Variants in GRIK4 observed in about 807,000 individuals in gnomAD.
GRIK4 encodes glutamate receptor ionotropic, kainate 4.
Under a neutral mutation model 104.9 loss-of-function variants are expected in GRIK4, and 40 were observed. The ratio of observed to expected loss-of-function variants is 0.38; its 90% CI spans 0.30 to 0.50. The LOEUF is 0.50. Among genes scored for constraint, GRIK4 ranks in the 20% least tolerant of loss-of-function variants. The probability of loss-of-function intolerance (pLI) is 0.93; values close to 1 mark genes in which losing one functional copy is unlikely to be tolerated. For missense variants in GRIK4, 1,047 were observed against 1,308.1 expected, an observed-to-expected ratio of 0.80 and a Z score of 3.08; for synonymous variants, 485 against 524.9, an observed-to-expected ratio of 0.92 and a Z score of 1.04.
At chr11:120,710,287 CTATAATTT>C (rs1168450880) in intron 3 of GRIK4, among the ~76,000 whole-genome samples, 8 of 152,110 alleles carry the variant, frequency 5.3e-5, no homozygotes, top group Non-Finnish European at 4.4e-5. Context: ...TAGAACAATT[CTATAATTT>C]GCCAGATGAG....
intron 3 of GRIK4, among the ~76,000 whole-genome samples, chr11:120,749,393 G>A (rs1371038833): frequency 1.3e-5 from 2 of 152,134 alleles, no homozygotes; most frequent in Non-Finnish European, 2.9e-5. Context: ...ACAGGGCCCC[G>A]AGAGCCTCTA....
intron 1 of GRIK4, among the ~76,000 whole-genome samples, chr11:120,586,391 C>T (rs899243831): frequency 1.3e-5 from 2 of 151,962 alleles, no homozygotes; most frequent in South Asian, 4.1e-4. Flanking sequence ...GGCGATGAGG[C>T]TGGGAGAGAA....
chr11:120,766,354 G>A (rs1414958660), intron 3 of GRIK4, among the ~76,000 whole-genome samples: 1 of 152,222 alleles, frequency 6.6e-6, no homozygotes, highest in Non-Finnish European at 1.5e-5. Flanking sequence ...GCTGGCAGCG[G>A]GAATTTCAGG....
chr11:120,981,590 AG>A (rs1283079345), intron 19 of GRIK4, among the ~76,000 whole-genome samples: 18 of 152,256 alleles, frequency 1.2e-4, no homozygotes, highest in Non-Finnish European at 2.9e-5. Flanking sequence ...TGGGATAAAA[AG>A]TTTTACTTTC....
chr11:120,785,736 A>T (rs559110379), intron 3 of GRIK4, among the ~76,000 whole-genome samples: 1 of 152,188 alleles, frequency 6.6e-6, no homozygotes, highest in Non-Finnish European at 1.5e-5. Context: ...CGGTTTACAC[A>T]GCAGTCCCGT....
In GRIK4 at chr11:120,561,267, G is replaced by A. The variant is rs900441017; in HGVS notation, c.-159+49380G>A. Among the ~76,000 whole-genome samples the A allele has an allele frequency of 8.5e-5, 13 of 152,228 alleles. No homozygotes were observed. In the East Asian group the frequency reaches 9.7e-4, roughly 11 times the overall value. ...GTGGGTTGCTGCGGGTCATCAGCCC[G>A]GCTGACTTGGAAATCCAGAAGGTTT... On this transcript the variant is annotated intron_variant, in intron 1 of 20. Coordinates refer to ENST00000527524, the MANE Select transcript of GRIK4 (RefSeq NM_014619.5).
chr11:120,753,315 G>GTGTGTGTA (rs1555055622), intron 3 of GRIK4, among the ~76,000 whole-genome samples: 19 of 84,136 alleles, frequency 2.3e-4, no homozygotes, highest in African/African-American at 8.3e-4. Context: ...GTGTGTGTGT[G>GTGTGTGTA]TGTGTGTGTG....
rs190293110 is a variant in GRIK4, at chr11:120,954,142, C to T, written c.1700+1178C>T. On this transcript the variant is annotated intron_variant, in intron 15 of 20. Coordinates refer to ENST00000527524, the MANE Select transcript of GRIK4 (RefSeq NM_014619.5). The stretch of plus-strand genomic sequence containing the variant: ...CCCTAGGGAACCACGGGCTACCTAA[C>T]CCCTGAGGGCACTTCCCAGACTGCC... Among the ~76,000 whole-genome samples, 154 of 152,176 alleles carry T rather than the reference C, an allele frequency of 1.0e-3. 2 individuals are homozygous for T. Among genetic ancestry groups the T allele is most frequent in the Admixed American group, 8.4e-3 (128 of 15,296 alleles).
At chr11:120,760,057 T>C (rs1367770742) in intron 3 of GRIK4, among the ~76,000 whole-genome samples, 1 of 151,972 alleles carries the variant, frequency 6.6e-6, no homozygotes, top group Non-Finnish European at 1.5e-5. Flanking sequence ...ATTTTAATCC[T>C]CACATTGTAC....
intron 2 of GRIK4, among the ~76,000 whole-genome samples, chr11:120,658,582 A>C (rs1285286089): frequency 6.6e-6 from 1 of 152,126 alleles, no homozygotes; most frequent in African/African-American, 2.4e-5. Context: ...CAGTAGTTTA[A>C]AATTTCATTT....
intron 1 of GRIK4, among the ~76,000 whole-genome samples, chr11:120,567,662 G>A (rs1416595768): frequency 6.6e-6 from 1 of 152,192 alleles, no homozygotes; most frequent in African/African-American, 2.4e-5. Context: ...CAGGGGAAGA[G>A]AGTGATGATA....
In GRIK4 at chr11:120,905,817, C is replaced by A. The variant is rs546581604; in HGVS notation, c.1476+324C>A. Among the ~76,000 whole-genome samples the A allele has an allele frequency of 8.6e-4, 131 of 152,236 alleles. No homozygotes were observed. In the Middle Eastern group the frequency reaches 0.01, roughly 12 times the overall value. On this transcript the variant is annotated intron_variant, in intron 13 of 20. Coordinates refer to ENST00000527524, the MANE Select transcript of GRIK4 (RefSeq NM_014619.5). The surrounding 1 kb of genome is among the most constrained non-coding windows in gnomAD (Gnocchi z 5.1). Reference sequence around the variant, plus strand: ...TGATTGTTCTGATTATTTTGTGGCTCATTAGCACTCCCTAGCAGAGCTTGA... The same window carrying A: ...TGATTGTTCTGATTATTTTGTGGCTAATTAGCACTCCCTAGCAGAGCTTGA...
intron 16 of GRIK4, among the ~76,000 whole-genome samples, chr11:120,960,424 T>G (rs1033347133): frequency 6.6e-6 from 1 of 152,238 alleles, no homozygotes; most frequent in Non-Finnish European, 1.5e-5. Context: ...ATAAGAATTT[T>G]GCTTCCGTGA....
chr11:120,891,351 T>A (rs892503774), intron 11 of GRIK4, among the ~76,000 whole-genome samples: 1 of 152,222 alleles, frequency 6.6e-6, no homozygotes, highest in Non-Finnish European at 1.5e-5. Context: ...CATCGCTGTC[T>A]TGACTCTGAA....
intron 3 of GRIK4, among the ~76,000 whole-genome samples, chr11:120,669,238 T>C (rs1949973521): frequency 6.6e-6 from 1 of 152,166 alleles, no homozygotes; most frequent in African/African-American, 2.4e-5. Flanking sequence ...TTTTGAAACC[T>C]TATTTGAATT....
At chr11:120,702,556 T>C (rs61901375) in intron 3 of GRIK4, among the ~76,000 whole-genome samples, 20,170 of 151,398 alleles carry the variant, frequency 0.13, 1,516 homozygotes, top group African/African-American at 0.19. Context: ...AGCTCGGGGG[T>C]GCTTTGAACT....
At chr11:120,601,288 C>T (rs1044889979) in intron 1 of GRIK4, among the ~76,000 whole-genome samples, 4 of 152,012 alleles carry the variant, frequency 2.6e-5, no homozygotes, top group Non-Finnish European at 5.9e-5. Flanking sequence ...CGCCTGTAAT[C>T]CCAGCTACTG....
intron 3 of GRIK4, among the ~76,000 whole-genome samples, chr11:120,761,393 C>T (rs1419312724): frequency 6.6e-6 from 1 of 152,060 alleles, no homozygotes; most frequent in African/African-American, 2.4e-5. Flanking sequence ...TCCCATTTTA[C>T]AGGTTCCCTG....
chr11:120,700,671 C>T (rs573572576), intron 3 of GRIK4, among the ~76,000 whole-genome samples: 1 of 152,274 alleles, frequency 6.6e-6, no homozygotes, highest in East Asian at 1.9e-4. Context: ...GTTAGCTAGA[C>T]TGGTCTCAAA....
Sources: allele counts gnomAD v4.1 joint callset (sites outside exome capture counted in the v4.1 genomes callset), GRCh38; gene constraint gnomAD v4.1.1; non-coding constraint Gnocchi (gnomAD v3.1); transcripts MANE v1.5; gene names NCBI Gene and HGNC (gene_info 2026-07-23, HGNC 2026-07-21).